Variants in PALD1 observed in about 807,000 individuals in gnomAD.
PALD1 encodes paladin.
Under a neutral mutation model 96.0 loss-of-function variants are expected in PALD1, and 57 were observed. The ratio of observed to expected loss-of-function variants is 0.59; its 90% CI spans 0.48 to 0.74. PALD1 has a LOEUF of 0.74. Among genes scored for constraint, PALD1 ranks in the 30% least tolerant of loss-of-function variants. The pLI, the probability that PALD1 is intolerant of heterozygous loss-of-function variation, is 0.00. For synonymous variants in PALD1, 464 were observed against 473.6 expected, an observed-to-expected ratio of 0.98 and a Z score of 0.26; for missense variants, 1,063 against 1,143.7, an observed-to-expected ratio of 0.93 and a Z score of 1.02.
upstream of PALD1, among the ~76,000 whole-genome samples, chr10:70,477,150 G>C (rs988589598): frequency 6.6e-6 from 1 of 152,176 alleles, no homozygotes; most frequent in African/African-American, 2.4e-5. Flanking sequence ...AGGATGGCAG[G>C]CTTCAGCTGG....
At chr10:70,541,327 G>A in intron 16 of PALD1, 85 bp downstream of exon 16, 1 of 1,533,222 alleles carries the variant, frequency 6.5e-7, no homozygotes, top group Middle Eastern at 1.7e-4. Context: ...CTCCACAGGA[G>A]GGTGTGAGGG....
chr10:70,518,181 C>T (rs1266774938), intron 1 of PALD1, among the ~76,000 whole-genome samples: 2 of 152,132 alleles, frequency 1.3e-5, no homozygotes, highest in Admixed American at 6.5e-5. Context: ...GGATTACAGG[C>T]GAGAGCCACC....
chr10:70,505,448 T>A (rs1180989798), intron 1 of PALD1, among the ~76,000 whole-genome samples: 1 of 151,768 alleles, frequency 6.6e-6, no homozygotes, highest in Non-Finnish European at 1.5e-5. Context: ...CTAAAAAAAA[T>A]ACAAAATTAG....
intron 10 of PALD1, among the ~76,000 whole-genome samples, chr10:70,537,501 G>C (rs996310134): frequency 5.9e-5 from 9 of 152,200 alleles, no homozygotes; most frequent in Admixed American, 3.9e-4. Context: ...GTTGGGTGTC[G>C]CTGGAGCTAA....
At chr10:70,531,567 C>A in intron 5 of PALD1, 113 bp downstream of exon 5, 3 of 1,042,198 alleles carry the variant, frequency 2.9e-6, no homozygotes, top group Non-Finnish European at 4.1e-6. Flanking sequence ...CACTGTTGTG[C>A]CCTGCTTGGG....
chr10:70,507,647 T>TA (rs1381482686), intron 1 of PALD1, among the ~76,000 whole-genome samples: 1 of 152,062 alleles, frequency 6.6e-6, no homozygotes. Context: ...GTCTCGAACT[T>TA]GTGGCCTCAA....
chr10:70,501,534 G>A (rs910344921), intron 1 of PALD1, among the ~76,000 whole-genome samples: 18 of 152,298 alleles, frequency 1.2e-4, no homozygotes, highest in Admixed American at 1.1e-3. Flanking sequence ...GGTGTTGAGC[G>A]TTCCAGCAGT....
intron 11 of PALD1, 33 bp downstream of exon 11, chr10:70,537,939 T>G: frequency 7.0e-7 from 1 of 1,431,008 alleles, no homozygotes; most frequent in South Asian, 1.1e-5. Context: ...CCACGTCCCC[T>G]CCTCCTGGGC....
At chr10:70,562,233 G>T in intron 18 of PALD1, among the ~76,000 whole-genome samples, 1 of 152,182 alleles carries the variant, frequency 6.6e-6, no homozygotes, top group Middle Eastern at 3.2e-3. Flanking sequence ...GCCCCTCTTG[G>T]GCACAGCCTG....
At chr10:70,558,266 G>A (rs959199058) in intron 18 of PALD1, among the ~76,000 whole-genome samples, 1 of 152,086 alleles carries the variant, frequency 6.6e-6, no homozygotes, top group Non-Finnish European at 1.5e-5. Context: ...CTGGGTTCCT[G>A]CTTGGGCTCT....
At chr10:70,469,698 C>T in the PALD1 span, among the ~76,000 whole-genome samples, 1 of 151,970 alleles carries the variant, frequency 6.6e-6, no homozygotes, top group East Asian at 1.9e-4. Context: ...GTCATGAGTT[C>T]CTCATTGCTG....
At chr10:70,500,558 C>T (rs1846274530) in intron 1 of PALD1, among the ~76,000 whole-genome samples, 2 of 152,186 alleles carry the variant, frequency 1.3e-5, no homozygotes, top group South Asian at 4.1e-4. Flanking sequence ...TCCGGTCTAT[C>T]AAATGTTGCT....
chr10:70,494,890 A>G lies in PALD1; in HGVS notation c.-30+15831A>G, dbSNP rs1267295675. Among the ~76,000 whole-genome samples the G allele has an allele frequency of 2.0e-5, 3 of 152,260 alleles. No homozygotes were observed. In the East Asian group the frequency reaches 5.8e-4, roughly 29 times the overall value. The stretch of plus-strand genomic sequence containing the variant: ...TGTGGGAAAACTGGCTTTCTTAAGC[A>G]TGAAGCAGCATTGGTTGCTGTATAC... On this transcript the variant is annotated intron_variant, in intron 1 of 19. Coordinates refer to ENST00000263563, the MANE Select transcript of PALD1 (RefSeq NM_014431.3).
intron 18 of PALD1, 134 bp downstream of exon 18, chr10:70,547,580 C>T: frequency 1.6e-6 from 1 of 617,304 alleles, no homozygotes. Flanking sequence ...GTCACTTTTC[C>T]ACCTTCTGGA....
intron 18 of PALD1, 26 bp downstream of exon 18, chr10:70,547,472 A>T: frequency 1.4e-6 from 1 of 725,058 alleles, no homozygotes. Flanking sequence ...ACCCCACCCC[A>T]CCCTGCCCCA....
intron 18 of PALD1, 96 bp downstream of exon 18, chr10:70,547,542 G>T: frequency 2.2e-6 from 2 of 892,582 alleles, no homozygotes; most frequent in South Asian, 1.8e-5. Context: ...GGTTGCTAGG[G>T]GTCCTAGGGG....
In PALD1 at chr10:70,544,720, G is replaced by T. The variant is rs544368638; in HGVS notation, c.2122-2586G>T. Among the ~76,000 whole-genome samples the T allele has an allele frequency of 5.3e-5, 8 of 152,296 alleles. No homozygotes were observed. In the South Asian group the frequency reaches 1.7e-3, roughly 32 times the overall value. The stretch of plus-strand genomic sequence containing the variant: ...TGAAGAGCTGCAGCCCTCTGTCTGA[G>T]GTGGCCCCCAGAGGACGCAGTTCCC... On this transcript the variant is annotated intron_variant, in intron 17 of 19. Coordinates refer to ENST00000263563, the MANE Select transcript of PALD1 (RefSeq NM_014431.3).
At chr10:70,493,119 G>A (rs751877515) in intron 1 of PALD1, among the ~76,000 whole-genome samples, 4 of 152,156 alleles carry the variant, frequency 2.6e-5, no homozygotes, top group Non-Finnish European at 4.4e-5. Flanking sequence ...TCCAGCTGCC[G>A]CTGCTGCTTC....
chr10:70,487,130 ATTT>A (rs10669002), intron 1 of PALD1, among the ~76,000 whole-genome samples: 19 of 110,394 alleles, frequency 1.7e-4, no homozygotes, highest in Admixed American at 5.3e-4. Context: ...TCTGAGCCCA[ATTT>A]TTTTTTTTTT....
Sources: allele counts gnomAD v4.1 joint callset (sites outside exome capture counted in the v4.1 genomes callset), GRCh38; gene constraint gnomAD v4.1.1; transcripts MANE v1.5; gene names NCBI Gene and HGNC (gene_info 2026-07-23, HGNC 2026-07-21).